MTUS2: variants seen among roughly 807,000 people sequenced by gnomAD.
MTUS2 encodes the protein microtubule-associated tumor suppressor candidate 2.
In MTUS2, 40 loss-of-function variants were observed where a neutral mutation model predicts 114.1. The observed-to-expected ratio is 0.35, with a 90% CI of 0.27 to 0.46. The LOEUF is 0.46. Among genes scored for constraint, MTUS2 ranks in the 20% least tolerant of loss-of-function variants. The pLI, the probability that MTUS2 is intolerant of heterozygous loss-of-function variation, is 1.00. For synonymous variants in MTUS2, 688 were observed against 672.0 expected (o/e 1.02, Z -0.37); for missense variants, 1,679 against 1,705.4 (o/e 0.98, Z 0.27).
chr13:29,316,955 G>C, intron 6 of MTUS2, among the ~76,000 whole-genome samples: 1 of 152,298 alleles, frequency 6.6e-6, no homozygotes, highest in South Asian at 2.1e-4. Flanking sequence ...TTTGTGCTTA[G>C]TAATGAATTG....
intron 2 of MTUS2, among the ~76,000 whole-genome samples, chr13:28,919,374 AGC>A (rs1324982478): frequency 1.3e-5 from 2 of 151,892 alleles, no homozygotes; most frequent in Admixed American, 1.3e-4. Context: ...TTTTCCCTTC[AGC>A]ACTTTAAATA....
chr13:29,478,948 C>T (rs899933347), intron 9 of MTUS2, among the ~76,000 whole-genome samples: 4 of 152,198 alleles, frequency 2.6e-5, no homozygotes, highest in Admixed American at 2.6e-4. Flanking sequence ...AAGAAGAAAA[C>T]GTTAACATCC....
chr13:29,165,495 A>G (rs1893279842), intron 5 of MTUS2, among the ~76,000 whole-genome samples: 1 of 152,224 alleles, frequency 6.6e-6, no homozygotes. Context: ...TTTGCTTATC[A>G]TGATATCTGC....
chr13:29,248,531 T>C (rs1279095470), intron 5 of MTUS2, among the ~76,000 whole-genome samples: 1 of 152,244 alleles, frequency 6.6e-6, no homozygotes, highest in Non-Finnish European at 1.5e-5. Context: ...GTTTGTAATC[T>C]AGGTATATGT....
At chr13:29,293,290 A>G (rs1898794047) in intron 6 of MTUS2, among the ~76,000 whole-genome samples, 4 of 152,204 alleles carry the variant, frequency 2.6e-5, no homozygotes, top group Non-Finnish European at 4.4e-5. Flanking sequence ...AAAGATATGA[A>G]TGCATATTTT....
chr13:29,360,738 C>G (rs1433834899), intron 8 of MTUS2, among the ~76,000 whole-genome samples: 3 of 135,792 alleles, frequency 2.2e-5, no homozygotes, highest in Non-Finnish European at 3.1e-5. Context: ...TTCAAGGAGC[C>G]CAAGAGGCCT....
At chr13:29,246,296 T>C (rs1896922691) in intron 5 of MTUS2, among the ~76,000 whole-genome samples, 1 of 152,096 alleles carries the variant, frequency 6.6e-6, no homozygotes, top group East Asian at 1.9e-4. Flanking sequence ...AAGGAAACTA[T>C]GAGAAGATAA....
chr13:28,859,033 G>A (rs942633950), intron 2 of MTUS2, among the ~76,000 whole-genome samples: 5 of 152,176 alleles, frequency 3.3e-5, no homozygotes, highest in East Asian at 1.9e-4. Context: ...AGCAGGAGAC[G>A]GCAGGTACTC....
chr13:29,307,833 G>A, intron 6 of MTUS2: 1 of 731,576 alleles, frequency 1.4e-6, no homozygotes. Context: ...GAAGAGAGAG[G>A]CCTTCACTGC....
chr13:29,265,934 T>C (rs770752982), intron 5 of MTUS2, among the ~76,000 whole-genome samples: 1 of 152,128 alleles, frequency 6.6e-6, no homozygotes, highest in Non-Finnish European at 1.5e-5. Context: ...GTTTCTCTCT[T>C]TTTCACTCGG....
At chr13:29,311,907 C>T (rs1302228905) in intron 6 of MTUS2, among the ~76,000 whole-genome samples, 1 of 152,172 alleles carries the variant, frequency 6.6e-6, no homozygotes, top group East Asian at 1.9e-4. Context: ...TTGCCTTGGT[C>T]TAGTGAAGTG....
At chr13:29,138,001 G>A (rs1892056182) in intron 5 of MTUS2, among the ~76,000 whole-genome samples, 1 of 152,136 alleles carries the variant, frequency 6.6e-6, no homozygotes, top group African/African-American at 2.4e-5. Flanking sequence ...AACAACATAG[G>A]GAGGAGGTGG....
chr13:29,070,491 T>G (rs1303240697), intron 4 of MTUS2, among the ~76,000 whole-genome samples: 1 of 152,152 alleles, frequency 6.6e-6, no homozygotes, highest in Non-Finnish European at 1.5e-5. Flanking sequence ...TAACACCAGT[T>G]GGGTAAATAT....
At position 29,151,377 on chromosome 13, in the gene MTUS2, G is replaced by A. The variant is rs185981598; in HGVS notation, c.2644+50407G>A. On this transcript the variant is annotated intron_variant, in intron 5 of 15. Transcript: ENST00000612955. ...ATATATAAAAATACCACCGGTTTTT[G>A]TCTATTAATTTTGTATTCAGAAACT... 3.3e-5 allele frequency among the ~76,000 whole-genome samples: 5 copies of A among 152,190 alleles called. No homozygotes were observed. The East Asian group carries it at 7.7e-4, about 23-fold the overall frequency.
intron 5 of MTUS2, among the ~76,000 whole-genome samples, chr13:29,113,912 C>A (rs1890979627): frequency 6.6e-6 from 1 of 152,098 alleles, no homozygotes; most frequent in South Asian, 2.1e-4. Context: ...GGGCGGTTTT[C>A]TTAAATGGCT....
chr13:29,503,217 C>G lies in MTUS2; in HGVS notation c.*11C>G, dbSNP rs1476206863. The G allele has an allele frequency of 5.0e-6, 8 of 1,612,518 alleles. No homozygotes were observed. Among genetic ancestry groups the G allele is most frequent in the Non-Finnish European group, 6.8e-6 (8 of 1,179,868 alleles). On this transcript the variant is annotated 3_prime_UTR_variant, in exon 16 of 16. Coordinates refer to ENST00000612955, the MANE Select transcript of MTUS2 (RefSeq NM_001033602.4). ...ACAACACCCAGATGACGCCACTACA[C>G]GGCCTGCGGGAGCTCCGGCTTCTCG...
At chr13:29,017,601 A>G (rs561950058) in intron 2 of MTUS2, among the ~76,000 whole-genome samples, 24 of 152,294 alleles carry the variant, frequency 1.6e-4, no homozygotes, top group Non-Finnish European at 2.9e-4. Context: ...ATACTTTTCT[A>G]TCTACTCTTA....
rs971513875 is a variant in MTUS2 at position 28,839,159 on chromosome 13, C to A, written c.-315-619C>A. Among the ~76,000 whole-genome samples, 7 of 152,224 alleles carry A rather than the reference C, an allele frequency of 4.6e-5. No individual in the cohort carries two copies. The South Asian group carries it at 1.5e-3, about 32-fold the overall frequency. Reference sequence around the variant, plus strand: ...GGAGGAAAATTTGTCTCTTTTCTACCACTAGCAACTAATCTTCCTGTTGGA... The same window carrying A: ...GGAGGAAAATTTGTCTCTTTTCTACAACTAGCAACTAATCTTCCTGTTGGA... On this transcript the variant is annotated intron_variant, in intron 1 of 15. Transcript: ENST00000612955.
At chr13:28,868,713 A>G (rs1877444715) in intron 2 of MTUS2, among the ~76,000 whole-genome samples, 2 of 152,236 alleles carry the variant, frequency 1.3e-5, no homozygotes, top group South Asian at 2.1e-4. Context: ...CCCATAGTTC[A>G]TAAAAGAAAA....
Sources: allele counts gnomAD v4.1 joint callset (sites outside exome capture counted in the v4.1 genomes callset), GRCh38; gene constraint gnomAD v4.1.1; transcripts MANE v1.5; gene names NCBI Gene and HGNC (gene_info 2026-07-23, HGNC 2026-07-21).